Variants in CFAP70 observed in about 807,000 individuals in gnomAD.
CFAP70 encodes the protein cilia- and flagella-associated protein 70.
A neutral mutation model predicts 137.6 loss-of-function variants in CFAP70; 81 were observed. The ratio of observed to expected loss-of-function variants is 0.59; its 90% CI spans 0.49 to 0.71. CFAP70 has a LOEUF of 0.71. CFAP70 is among the 30% of genes least tolerant of loss of function. The probability of loss-of-function intolerance (pLI) is 0.00; values close to 1 mark genes in which losing one functional copy is unlikely to be tolerated. For synonymous variants in CFAP70, 382 were observed against 423.6 expected, an observed-to-expected ratio of 0.90 and a Z score of 1.20; for missense variants, 976 against 1,226.7, an observed-to-expected ratio of 0.80 and a Z score of 3.05.
At chr10:73,334,435 G>A (rs1024125512) in intron 7 of CFAP70, among the ~76,000 whole-genome samples, 9 of 152,104 alleles carry the variant, frequency 5.9e-5, no homozygotes, top group African/African-American at 1.9e-4. Flanking sequence ...AAATGTGAGC[G>A]TGCAAGCTGG....
chr10:73,303,626 C>T (rs180974111), intron 12 of CFAP70, among the ~76,000 whole-genome samples: 1 of 151,928 alleles, frequency 6.6e-6, no homozygotes, highest in Non-Finnish European at 1.5e-5. Context: ...CTGTTTCTCA[C>T]AAAAAAGTCC....
chr10:73,291,783 C>T (rs747696180), intron 17 of CFAP70, 28 bp from the exon 19 acceptor site: 2 of 1,613,638 alleles, frequency 1.2e-6, no homozygotes, highest in South Asian at 1.1e-5. Context: ...ACATGATTAA[C>T]AACACGGTCC....
At chr10:73,292,455 T>C (rs1362470369) in intron 16 of CFAP70, among the ~76,000 whole-genome samples, 1 of 152,146 alleles carries the variant, frequency 6.6e-6, no homozygotes, top group Non-Finnish European at 1.5e-5. Flanking sequence ...CATAAATAAA[T>C]GGAAAGACAT....
chr10:73,262,034 T>TAC (rs1196864918), intron 25 of CFAP70, among the ~76,000 whole-genome samples: 2 of 146,078 alleles, frequency 1.4e-5, no homozygotes, highest in African/African-American at 5.0e-5. Context: ...TATATATGTA[T>TAC]ATATGTATAT....
chr10:73,296,471 G>T (rs2048558293), intron 15 of CFAP70: 1 of 152,204 alleles, frequency 6.6e-6, no homozygotes. Context: ...ACTACCAGGG[G>T]ACAAAAAGAC....
intron 19 of CFAP70, among the ~76,000 whole-genome samples, chr10:73,287,224 T>C (rs2047792422): frequency 1.3e-5 from 2 of 152,178 alleles, no homozygotes; most frequent in Admixed American, 6.5e-5. Context: ...AGTGATGAAA[T>C]GGGAATTTCA....
chr10:73,293,298 C>T (rs2048308842), exon 16 of CFAP70: 1 of 1,612,336 alleles, frequency 6.2e-7, no homozygotes, highest in African/African-American at 1.3e-5. Context: ...TCAAAGTTCT[C>T]ATTGACTTCT....
chr10:73,355,113 C>A (rs765679439), intron 1 of CFAP70, among the ~76,000 whole-genome samples: 5 of 152,156 alleles, frequency 3.3e-5, no homozygotes, highest in Non-Finnish European at 7.4e-5. Flanking sequence ...CCTCCCATAC[C>A]CTACATCAGG....
At chr10:73,276,056 C>T (rs544794179) in intron 21 of CFAP70, 1 of 151,772 alleles carries the variant, frequency 6.6e-6, no homozygotes, top group Admixed American at 6.6e-5. Flanking sequence ...CACCTCCAAA[C>T]ATTGGTTATG....
exon 15 of CFAP70, chr10:73,297,125 A>G: frequency 3.1e-6 from 5 of 1,613,836 alleles, no homozygotes; most frequent in Non-Finnish European, 3.4e-6. Flanking sequence ...TGGCTTTCAA[A>G]TGATGTTGTC....
chr10:73,344,829 A>G (rs1345747376), intron 5 of CFAP70, among the ~76,000 whole-genome samples: 1 of 152,028 alleles, frequency 6.6e-6, no homozygotes, highest in Non-Finnish European at 1.5e-5. Context: ...TAAATCTTAC[A>G]TATTTTCCAC....
chr10:73,255,388 C>T (rs1169349723), intron 26 of CFAP70, among the ~76,000 whole-genome samples: 1 of 151,912 alleles, frequency 6.6e-6, no homozygotes, highest in East Asian at 1.9e-4. Flanking sequence ...GAGCAAGACT[C>T]CATCTCAAAA....
rs888135455 is a variant in CFAP70 at position 73,357,542 on chromosome 10, T to A, written c.-40+1172A>T. ...AAGAGACAAGCAGATAAATACCTTA[T>A]TAAAGTACAGATCTGATCGTATCAC... On this transcript the variant is annotated intron_variant, in intron 1 of 26. Transcript: ENST00000310715. Among the ~76,000 whole-genome samples, 3 of 152,172 alleles carry A rather than the reference T, an allele frequency of 2.0e-5. No individual in the cohort carries two copies. In the South Asian group the frequency reaches 6.2e-4, roughly 31 times the overall value.
rs1469376815 is a variant in CFAP70, at chr10:73,284,784, A to C, written c.2239+6442T>G. Among the ~76,000 whole-genome samples, 435 of 57,612 alleles carry C rather than the reference A, an allele frequency of 7.6e-3. 31 individuals are homozygous for C. Among genetic ancestry groups the C allele is most frequent in the African/African-American group, 0.025 (350 of 13,886 alleles). The allele number at this position is 57,612 out of a possible 152,430, so 37.8% of individuals were successfully genotyped here. ...TATATATATATATATATATATATAT[A>C]TATATATATATATATATATAAAAGT... On this transcript the variant is annotated intron_variant, in intron 19 of 26. Transcript: ENST00000310715.
intron 3 of CFAP70, among the ~76,000 whole-genome samples, chr10:73,350,956 T>C (rs753314654): frequency 6.7e-6 from 1 of 150,314 alleles, no homozygotes; most frequent in Non-Finnish European, 1.5e-5. Context: ...TGTGTGTGTG[T>C]ATGTGTGTGT....
At chr10:73,304,313 C>G (rs111828697) in intron 12 of CFAP70, among the ~76,000 whole-genome samples, 3,062 of 152,270 alleles carry the variant, frequency 0.02, 41 homozygotes, top group Non-Finnish European at 0.033. Flanking sequence ...CTCGGCCTCT[C>G]AAAGGGCTGG....
At chr10:73,308,810 GAAA>G (rs199522556) in intron 12 of CFAP70, among the ~76,000 whole-genome samples, 13,573 of 92,466 alleles carry the variant, frequency 0.15, 918 homozygotes, top group East Asian at 0.38. Context: ...CAAGAGAAAT[GAAA>G]AAAAAAAAAA....
At chr10:73,261,379 A>G (rs1228595579) in intron 25 of CFAP70, among the ~76,000 whole-genome samples, 1 of 152,172 alleles carries the variant, frequency 6.6e-6, no homozygotes, top group Non-Finnish European at 1.5e-5. Context: ...TGGGCAATTT[A>G]CAAAGGAAAG....
At chr10:73,261,967 ATAT>A (rs1027733836) in intron 25 of CFAP70, among the ~76,000 whole-genome samples, 21 of 147,866 alleles carry the variant, frequency 1.4e-4, no homozygotes, top group Non-Finnish European at 3.0e-4. Flanking sequence ...TACTGTATAC[ATAT>A]TATATATATG....
Sources: allele counts gnomAD v4.1 joint callset (sites outside exome capture counted in the v4.1 genomes callset), GRCh38; gene constraint gnomAD v4.1.1; transcripts MANE v1.5; gene names NCBI Gene and HGNC (gene_info 2026-07-23, HGNC 2026-07-21).